ZFHX3: variants seen among roughly 807,000 people sequenced by gnomAD.
ZFHX3 encodes zinc finger homeobox protein 3.
In ZFHX3, 42 loss-of-function variants were observed where a neutral mutation model predicts 279.1. The ratio of observed to expected loss-of-function variants is 0.15; its 90% confidence interval spans 0.12 to 0.19. The LOEUF is 0.19. ZFHX3 is among the 10% of genes least tolerant of loss of function. The pLI, the probability that ZFHX3 is intolerant of heterozygous loss-of-function variation, is 1.00. For missense variants in ZFHX3, 4,981 were observed against 4,754.0 expected (o/e 1.05, Z -1.40); for synonymous variants, 2,293 against 1,957.8 (o/e 1.17, Z -4.52).
chr16:73,483,633 A>T (rs1222126304), intron 2 of ZFHX3, among the ~76,000 whole-genome samples: 1 of 152,044 alleles, frequency 6.6e-6, no homozygotes, highest in East Asian at 1.9e-4. Context: ...CGGGGGAGCT[A>T]ATGACCCATA....
chr16:73,186,555 G>GTTTT (rs77914659), intron 5 of ZFHX3, among the ~76,000 whole-genome samples: 1 of 138,350 alleles, frequency 7.2e-6, no homozygotes. Context: ...TCCAGGAAAA[G>GTTTT]TTTTTTTTTT....
intron 2 of ZFHX3, among the ~76,000 whole-genome samples, chr16:73,465,143 C>T (rs1376366283): frequency 2.0e-5 from 3 of 152,214 alleles, no homozygotes; most frequent in Non-Finnish European, 2.9e-5. Flanking sequence ...AGAGACACAG[C>T]GGACCCTTCA....
At chr16:73,388,424 T>G (rs1268368353) in intron 3 of ZFHX3, among the ~76,000 whole-genome samples, 1 of 152,204 alleles carries the variant, frequency 6.6e-6, no homozygotes, top group Non-Finnish European at 1.5e-5. Context: ...ATTTACAGTA[T>G]TTTAGCCACC....
chr16:73,319,416 C>T (rs564218913), intron 3 of ZFHX3, among the ~76,000 whole-genome samples: 1 of 152,106 alleles, frequency 6.6e-6, no homozygotes, highest in Non-Finnish European at 1.5e-5. Flanking sequence ...GAATCCACAT[C>T]TTTAATTGGG....
At chr16:73,806,461 T>C (rs1016043117) in intron 1 of ZFHX3, among the ~76,000 whole-genome samples, 2 of 152,112 alleles carry the variant, frequency 1.3e-5, no homozygotes, top group Non-Finnish European at 2.9e-5. Context: ...CTCCGCTGAA[T>C]ACAGTGTTGG....
Position 73,218,911 on chromosome 16 carries a change from C to T in ZFHX3, c.-1104+38136G>A, listed in dbSNP as rs762230658. ...TCTAACTCCAGAATGTTTTCATCAA[C>T]GAGGTGGAAACCCCATACCTATCAG... is the stretch of plus-strand genomic sequence containing the variant. On this transcript the variant is annotated intron_variant, in intron 5 of 17. Coordinates refer to the ZFHX3 transcript ENST00000641206. Among the ~76,000 whole-genome samples, 50 of 152,324 alleles carry T rather than the reference C, an allele frequency of 3.3e-4. No homozygotes were observed. The East Asian group carries it at 4.2e-3, about 13-fold the overall frequency.
intron 7 of ZFHX3, chr16:73,127,021 C>T (rs1321801983): frequency 5.8e-6 from 1 of 171,586 alleles, no homozygotes; most frequent in African/African-American, 2.4e-5. Context: ...CCTAGGATCT[C>T]AAGCATGCAG....
intron 5 of ZFHX3, among the ~76,000 whole-genome samples, chr16:73,193,531 TG>T (rs1248200624): frequency 4.6e-5 from 7 of 152,330 alleles, no homozygotes; most frequent in African/African-American, 1.4e-4. Flanking sequence ...TCCAGTATCC[TG>T]GGGGTAAGGA....
At chr16:72,900,847 A>G (rs2039017555) in intron 3 of ZFHX3, among the ~76,000 whole-genome samples, 2 of 152,208 alleles carry the variant, frequency 1.3e-5, no homozygotes, top group South Asian at 2.1e-4. Context: ...CAGGACAGCA[A>G]TGGCCACGGA....
chr16:72,997,917 C>CA (rs1301589404), intron 1 of ZFHX3, among the ~76,000 whole-genome samples: 4 of 150,646 alleles, frequency 2.7e-5, no homozygotes, highest in African/African-American at 4.9e-5. Flanking sequence ...CCTATCTCTA[C>CA]AAAAAAAGAA....
At chr16:73,147,646 C>A (rs1396878853) in intron 5 of ZFHX3, among the ~76,000 whole-genome samples, 2 of 139,500 alleles carry the variant, frequency 1.4e-5, no homozygotes, top group African/African-American at 5.4e-5. Context: ...GAGCCGAGAT[C>A]GCGCCACCGC....
At chr16:73,448,689 T>A (rs989505207) in intron 3 of ZFHX3, among the ~76,000 whole-genome samples, 130 of 143,130 alleles carry the variant, frequency 9.1e-4, no homozygotes, top group African/African-American at 3.5e-3. Context: ...TATATACGTG[T>A]GTGTGTGTGT....
intron 2 of ZFHX3, among the ~76,000 whole-genome samples, chr16:73,495,764 G>A (rs1292459295): frequency 2.0e-5 from 3 of 152,162 alleles, no homozygotes; most frequent in South Asian, 2.1e-4. Flanking sequence ...TGGCAAAGAT[G>A]GACCAAATGG....
chr16:72,811,297 A>C (rs2143586578), intron 7 of ZFHX3, among the ~76,000 whole-genome samples: 1 of 152,274 alleles, frequency 6.6e-6, no homozygotes. Flanking sequence ...TTGAATAATG[A>C]TTTCTTCATA....
chr16:73,687,372 G>T (rs1259023050), intron 1 of ZFHX3, among the ~76,000 whole-genome samples: 2 of 149,984 alleles, frequency 1.3e-5, no homozygotes, highest in African/African-American at 4.9e-5. Context: ...GACAGAGAGA[G>T]ACCCTGTCTC....
At position 73,578,794 on chromosome 16, in the gene ZFHX3, A is replaced by G. The variant is rs534044104; in HGVS notation, c.-1547+101386T>C. 9.2e-5 allele frequency among the ~76,000 whole-genome samples: 14 copies of G among 152,322 alleles called. No homozygotes were observed. In the East Asian group the frequency reaches 2.5e-3, roughly 27 times the overall value. On this transcript the variant is annotated intron_variant, in intron 2 of 17. Coordinates refer to the ZFHX3 transcript ENST00000641206. ...AATAGACAGCAACATCTATAACCCC[A>G]TCAATCAGATTCAATAACTCTCTAG...
At chr16:73,092,194 T>C (rs1966092166) in intron 8 of ZFHX3, among the ~76,000 whole-genome samples, 1 of 152,206 alleles carries the variant, frequency 6.6e-6, no homozygotes, top group South Asian at 2.1e-4. Flanking sequence ...GCAAACATCA[T>C]GATCATAAGC....
At chr16:73,446,833 T>G (rs1597338824) in intron 3 of ZFHX3, among the ~76,000 whole-genome samples, 2 of 152,204 alleles carry the variant, frequency 1.3e-5, no homozygotes, top group East Asian at 3.9e-4. Flanking sequence ...CAAACCCCCA[T>G]GACACAAGTT....
At chr16:73,812,042 A>G (rs1471779554) in intron 1 of ZFHX3, among the ~76,000 whole-genome samples, 2 of 152,250 alleles carry the variant, frequency 1.3e-5, no homozygotes, top group South Asian at 4.1e-4. Flanking sequence ...CCCCAAGGTT[A>G]TATGGCTAAT....
Sources: gnomAD v4.1 joint callset for allele counts (sites outside exome capture counted in the v4.1 genomes callset) on GRCh38, gnomAD v4.1.1 for gene constraint, MANE v1.5 for transcripts, NCBI Gene and HGNC (gene_info 2026-07-23, HGNC 2026-07-21) for gene names.